The following PDE1C variants were observed in gnomAD, a reference collection of about 807,000 sequenced individuals.
PDE1C encodes the protein phosphodiesterase 1C, also known as dual specificity calcium/calmodulin-dependent 3',5'-cyclic nucleotide phosphodiesterase 1C.
PDE1C carries 62 observed loss-of-function variants against 93.1 expected under a neutral mutation model. The observed-to-expected ratio is 0.67, with a 90% CI of 0.54 to 0.82. The LOEUF (loss-of-function observed/expected upper bound fraction) is 0.82. Ranked by LOEUF, PDE1C falls within the 40% of genes least tolerant of loss-of-function variation. PDE1C has a pLI of 0.00. For synonymous variants in PDE1C, 325 were observed against 310.1 expected, an observed-to-expected ratio of 1.05 and a Z score of -0.50; for missense variants, 742 against 884.6, an observed-to-expected ratio of 0.84 and a Z score of 2.04.
At position 32,298,811 on chromosome 7, in the gene PDE1C, C is replaced by T. The variant is rs1812793535; in HGVS notation, c.-76G>A. On this transcript the variant is annotated 5_prime_UTR_variant, in exon 1 of 19. Coordinates refer to the PDE1C transcript ENST00000396193. ...GTCCCCCCCACGGCGGAGTGAGCAG[C>T]CCGGGGCTCGGCGGCGAATCCTCCC... The T allele has an allele frequency of 8.7e-6, 13 of 1,500,366 alleles. No homozygotes were observed. The South Asian group carries it at 1.4e-4, about 16-fold the overall frequency. 92.9% of individuals were successfully genotyped at this position (1,500,366 alleles called of 1,614,324 possible). A position where few individuals can be genotyped will look rare whatever the true frequency, so the allele number is the denominator to read the frequency against.
In PDE1C at chr7:31,816,780, GA is replaced by G. The variant is rs1788321951; in HGVS notation, c.1583-627del. On this transcript the variant is annotated intron_variant, in intron 14 of 17. Transcript: ENST00000396191. ...AAGGAAGGGGATAATTGAGCCTTAT[GA>G]AAAAAACATGGTCTTCAAACTGTCC... is the stretch of plus-strand genomic sequence containing the variant. 5.3e-5 allele frequency among the ~76,000 whole-genome samples: 8 copies of G among 152,242 alleles called. No individual in the cohort carries two copies. The South Asian group carries it at 1.7e-3, about 32-fold the overall frequency.
intron 11 of PDE1C, among the ~76,000 whole-genome samples, chr7:31,835,762 G>T (rs1047119944): frequency 2.0e-5 from 3 of 151,036 alleles, no homozygotes; most frequent in African/African-American, 7.3e-5. Context: ...CTCCAATAAA[G>T]GGTCTTCTGG....
At chr7:31,711,557 C>T in the PDE1C span, among the ~76,000 whole-genome samples, 1 of 152,088 alleles carries the variant, frequency 6.6e-6, no homozygotes, top group East Asian at 1.9e-4. Context: ...TTCCATGATC[C>T]AGAAAGAGTA....
intron 1 of PDE1C, among the ~76,000 whole-genome samples, chr7:32,403,605 C>T (rs1355853898): frequency 2.0e-5 from 3 of 152,176 alleles, no homozygotes; most frequent in Admixed American, 1.3e-4. Flanking sequence ...CGATCACATG[C>T]GTCTCCTCTC....
At chr7:31,840,050 A>T (rs1033580700) in intron 9 of PDE1C, among the ~76,000 whole-genome samples, 4 of 152,186 alleles carry the variant, frequency 2.6e-5, no homozygotes, top group African/African-American at 9.7e-5. Flanking sequence ...TAAAAAAGAA[A>T]AAAGAAACTG....
chr7:32,230,451 C>T (rs1807614040), intron 1 of PDE1C, among the ~76,000 whole-genome samples: 1 of 152,128 alleles, frequency 6.6e-6, no homozygotes, highest in African/African-American at 2.4e-5. Flanking sequence ...AGCTTCCTTT[C>T]CAGAAAATGA....
chr7:31,631,185 A>AT, the PDE1C span, among the ~76,000 whole-genome samples: 11 of 152,220 alleles, frequency 7.2e-5, no homozygotes, highest in African/African-American at 2.7e-4. Flanking sequence ...GGAAGAGCAG[A>AT]TAAAAAAAAA....
chr7:31,624,120 G>A, the PDE1C span, among the ~76,000 whole-genome samples: 285 of 148,550 alleles, frequency 1.9e-3, 1 homozygote, highest in Non-Finnish European at 3.2e-3. Flanking sequence ...TGAAATAAAA[G>A]AGGATACAAA....
intron 2 of PDE1C, among the ~76,000 whole-genome samples, chr7:32,185,436 A>G (rs1803789213): frequency 6.6e-6 from 1 of 152,046 alleles, no homozygotes; most frequent in Non-Finnish European, 1.5e-5. Flanking sequence ...TATCCTGGGA[A>G]TAGTCTATTC....
intron 2 of PDE1C, among the ~76,000 whole-genome samples, chr7:32,207,619 T>TC (rs1805682381): frequency 7.1e-6 from 1 of 141,124 alleles, no homozygotes; most frequent in Non-Finnish European, 1.6e-5. Context: ...TTTTTCGTTC[T>TC]CCTTTTTTTT....
chr7:31,919,606 TA>T (rs1436747252), intron 2 of PDE1C, among the ~76,000 whole-genome samples: 2 of 151,966 alleles, frequency 1.3e-5, no homozygotes, highest in East Asian at 1.9e-4. Context: ...GTATTACCCT[TA>T]AAAAAACGAG....
chr7:32,298,226 C>G (rs777271100), intron 1 of PDE1C, among the ~76,000 whole-genome samples: 1 of 151,916 alleles, frequency 6.6e-6, no homozygotes, highest in Non-Finnish European at 1.5e-5. Context: ...CTGGATGTTC[C>G]TGCCGCTCTG....
intron 2 of PDE1C, among the ~76,000 whole-genome samples, chr7:31,935,825 C>T (rs1804972799): frequency 6.6e-6 from 1 of 151,544 alleles, no homozygotes; most frequent in South Asian, 2.1e-4. Flanking sequence ...CTAACGTCAC[C>T]AAGCAGCAGC....
chr7:32,197,352 T>C (rs891195898), intron 2 of PDE1C, among the ~76,000 whole-genome samples: 4 of 152,076 alleles, frequency 2.6e-5, no homozygotes, highest in Admixed American at 2.6e-4. Flanking sequence ...TGAACAGAAA[T>C]ATAAAAGAGT....
chr7:31,624,239 A>G, the PDE1C span, among the ~76,000 whole-genome samples: 11 of 145,904 alleles, frequency 7.5e-5, no homozygotes, highest in South Asian at 2.3e-4. Context: ...TCAAGCTACC[A>G]ATGACTTTCT....
At chr7:31,675,937 A>G in the PDE1C span, among the ~76,000 whole-genome samples, 5 of 152,134 alleles carry the variant, frequency 3.3e-5, no homozygotes, top group East Asian at 1.9e-4. Context: ...TGGGTATAAT[A>G]TATCTCAGAA....
At chr7:32,038,401 C>A (rs1233774789) in intron 2 of PDE1C, among the ~76,000 whole-genome samples, 2 of 152,078 alleles carry the variant, frequency 1.3e-5, no homozygotes, top group Non-Finnish European at 2.9e-5. Context: ...GGAAGACATT[C>A]TGTGGCCATT....
chr7:32,079,889 C>G (rs951551250), intron 3 of PDE1C, among the ~76,000 whole-genome samples: 2 of 152,162 alleles, frequency 1.3e-5, no homozygotes, highest in Non-Finnish European at 2.9e-5. Context: ...CCTCTTGATG[C>G]AGGGTGTGGG....
intron 1 of PDE1C, among the ~76,000 whole-genome samples, chr7:32,426,101 G>A (rs1785524654): frequency 6.6e-6 from 1 of 152,008 alleles, no homozygotes. Context: ...TCCTATATTA[G>A]GTGGACCATG....
Sources: gnomAD v4.1 joint callset for allele counts (sites outside exome capture counted in the v4.1 genomes callset) on GRCh38, gnomAD v4.1.1 for gene constraint, MANE v1.5 for transcripts, NCBI Gene and HGNC (gene_info 2026-07-23, HGNC 2026-07-21) for gene names.